UPF3A: variants seen among roughly 807,000 people sequenced by gnomAD.
UPF3A encodes the protein UPF3A regulator of nonsense mediated mRNA decay.
Under a neutral mutation model 53.5 loss-of-function variants are expected in UPF3A, and 42 were observed. That is an observed-to-expected ratio of 0.78 (90% CI 0.61 to 1.01). The LOEUF is 1.01. Among genes scored for constraint, UPF3A ranks in the 50% least tolerant of loss-of-function variants. The probability of loss-of-function intolerance (pLI) is 0.00; values close to 1 mark genes in which losing one functional copy is unlikely to be tolerated. For synonymous variants in UPF3A, 237 were observed against 225.3 expected, an observed-to-expected ratio of 1.05 and a Z score of -0.47; for missense variants, 575 against 598.0, an observed-to-expected ratio of 0.96 and a Z score of 0.40.
rs756224010 is a variant in UPF3A, at chr13:114,282,033, C to T, written c.220C>T (p.Arg74Cys). The change falls in exon 2 of 10, where the codon CGC (arginine) becomes TGC (cysteine). Residue 74 changes from arginine to cysteine, a missense_variant. This residue lies in a region of UPF3A where 252 missense variants were observed against 182.7 expected (regional missense o/e 1.38). Transcript: ENST00000375299. ...GCGCTCCCCGCAGGTGGTCATCCGC[C>T]GCCTGCCTCCGGGCCTCACCAAGGA... is the stretch of plus-strand genomic sequence containing the variant. Reference protein sequence around the residue: ...RTALSKVVIRRLPPGLTKEQL... With the variant: ...RTALSKVVIRCLPPGLTKEQL... The T allele has an allele frequency of 6.4e-7, 1 of 1,559,882 alleles. No homozygotes were observed. Among genetic ancestry groups the T allele is most frequent in the Non-Finnish European group, 8.7e-7 (1 of 1,154,250 alleles).
intron 7 of UPF3A, among the ~76,000 whole-genome samples, chr13:114,292,090 C>CTT (rs745358460): frequency 5.2e-5 from 7 of 133,708 alleles, no homozygotes; most frequent in Middle Eastern, 4.0e-3. Flanking sequence ...TGCTGACGCT[C>CTT]TTTTTTTTTT....
intron 7 of UPF3A, among the ~76,000 whole-genome samples, chr13:114,295,498 C>A (rs1458393144): frequency 6.6e-6 from 1 of 152,134 alleles, no homozygotes. Flanking sequence ...TTTCCCTCCA[C>A]AGGGACTTCC....
intron 9 of UPF3A, 37 bp downstream of exon 9, chr13:114,302,062 T>C (rs753568684): frequency 6.7e-7 from 1 of 1,492,712 alleles, no homozygotes; most frequent in Non-Finnish European, 8.9e-7. Context: ...TGTGTCTGGC[T>C]GTCTTAAGGT....
chr13:114,294,597 G>A (rs1295730092), intron 7 of UPF3A, among the ~76,000 whole-genome samples: 3 of 152,174 alleles, frequency 2.0e-5, no homozygotes, highest in Non-Finnish European at 2.9e-5. Flanking sequence ...AGGCCGAGGC[G>A]GGCGTATCAC....
chr13:114,288,563 A>G (rs1487549464), intron 5 of UPF3A, among the ~76,000 whole-genome samples: 1 of 152,164 alleles, frequency 6.6e-6, no homozygotes, highest in Non-Finnish European at 1.5e-5. Flanking sequence ...GCACTGCAAG[A>G]CATTTAGATT....
At position 114,303,898 on chromosome 13, in the gene UPF3A, A is replaced by G. The variant is rs151025970; in HGVS notation, c.1303-891A>G. On this transcript the variant is annotated intron_variant, in intron 9 of 9. Coordinates refer to ENST00000375299, the MANE Select transcript of UPF3A (RefSeq NM_023011.4). Reference sequence around the variant, plus strand: ...CATTGGTCAGGTTCATACCAAGGAAAAGAAAATTAAGTTAAACCCCCTGGT... The same window carrying G: ...CATTGGTCAGGTTCATACCAAGGAAGAGAAAATTAAGTTAAACCCCCTGGT... Among the ~76,000 whole-genome samples the G allele has an allele frequency of 3.0e-3, 454 of 152,348 alleles. 1 individual carries two copies. Among genetic ancestry groups the G allele is most frequent in the African/African-American group, 0.01 (420 of 41,574 alleles).
chr13:114,304,972 A>G lies in UPF3A; in HGVS notation c.*55A>G, dbSNP rs371345781. On this transcript the variant is annotated 3_prime_UTR_variant, in exon 10 of 10. Coordinates refer to ENST00000375299, the MANE Select transcript of UPF3A (RefSeq NM_023011.4). Reference sequence around the variant, plus strand: ...GAGCAAGGGCATCCCAGAAACGTGTAAATGACCCCGAGTGTGACTGGGAAG... The same window carrying G: ...GAGCAAGGGCATCCCAGAAACGTGTGAATGACCCCGAGTGTGACTGGGAAG... 3 of 1,573,826 alleles carry G rather than the reference A, an allele frequency of 1.9e-6. No individual in the cohort carries two copies. The South Asian group carries it at 3.4e-5, about 18-fold the overall frequency.
At chr13:114,288,198 G>C (rs1234239643) in intron 5 of UPF3A, among the ~76,000 whole-genome samples, 2 of 152,228 alleles carry the variant, frequency 1.3e-5, no homozygotes, top group Non-Finnish European at 2.9e-5. Context: ...GGGCCAAGTG[G>C]TAAGCAGGTT....
chr13:114,281,899 T>TGGAGGGAGGTGAGGGAGG (rs2084055357), intron 1 of UPF3A, 53 bp downstream of exon 1: 1 of 615,758 alleles, frequency 1.6e-6, no homozygotes, highest in East Asian at 3.5e-5. Context: ...CGGCCCTGAG[T>TGGAGGGAGGTGAGGGAGG]GGAGGGAGGG....
chr13:114,281,756 G>A lies in UPF3A; in HGVS notation c.117G>A (p.Gln39=), dbSNP rs1038136575. Residue 39 remains glutamine (Q), a synonymous_variant, in exon 1 of 10, where the codon CAG becomes CAA. Coordinates refer to ENST00000375299, the MANE Select transcript of UPF3A (RefSeq NM_023011.4). ...LEVQFHRDSQ[Q]QEAETPPTSS... ...TGCAGTTCCACCGCGACTCGCAGCA[G>A]CAGGAGGCTGAGACGCCGCCAACTT... is the stretch of plus-strand genomic sequence containing the variant. The A allele has an allele frequency of 1.3e-5, 20 of 1,557,578 alleles. No individual in the cohort carries two copies. Among genetic ancestry groups the A allele is most frequent in the African/African-American group, 5.5e-5 (4 of 73,200 alleles).
rs1594858526 is a variant in UPF3A, at chr13:114,305,167, A to C, written c.*250A>C. 4 of 432,252 alleles carry C rather than the reference A, an allele frequency of 9.3e-6. No homozygotes were observed. The East Asian group carries it at 2.0e-4, about 21-fold the overall frequency. The allele number at this position is 432,252 out of a possible 1,614,324, so 26.8% of individuals were successfully genotyped here. A position where few individuals can be genotyped will look rare whatever the true frequency, so the allele number is the denominator to read the frequency against. ...AGTATTTGTTGTTTAGCCAAAACAGAAAATGATTTCCACTGGACAGTAGAA... is the reference window on the plus strand; with the variant it reads ...AGTATTTGTTGTTTAGCCAAAACAGCAAATGATTTCCACTGGACAGTAGAA... On this transcript the variant is annotated 3_prime_UTR_variant, in exon 10 of 10. Coordinates refer to ENST00000375299, the MANE Select transcript of UPF3A (RefSeq NM_023011.4).
intron 5 of UPF3A, among the ~76,000 whole-genome samples, chr13:114,288,445 G>A (rs955671258): frequency 3.3e-5 from 5 of 152,212 alleles, no homozygotes. Context: ...GTGGAGGAAG[G>A]AAGCGCCAGG....
intron 7 of UPF3A, among the ~76,000 whole-genome samples, chr13:114,296,142 T>TG (rs974155685): frequency 6.6e-6 from 1 of 152,154 alleles, no homozygotes. Flanking sequence ...CCCAGCTCTT[T>TG]GGGGGGCCAA....
intron 5 of UPF3A, chr13:114,286,835 C>T (rs961926289): frequency 1.8e-5 from 10 of 564,396 alleles, no homozygotes; most frequent in East Asian, 3.0e-5. Context: ...ATGGAGAGCA[C>T]GTGATTTTTT....
At chr13:114,293,605 C>T (rs2085529954) in intron 7 of UPF3A, among the ~76,000 whole-genome samples, 1 of 151,926 alleles carries the variant, frequency 6.6e-6, no homozygotes, top group Non-Finnish European at 1.5e-5. Flanking sequence ...AATGTGTTGG[C>T]CAGAATTGGG....
At chr13:114,296,988 C>T (rs2086105627) in intron 7 of UPF3A, among the ~76,000 whole-genome samples, 1 of 152,088 alleles carries the variant, frequency 6.6e-6, no homozygotes, top group South Asian at 2.1e-4. Flanking sequence ...TTTAAGTTCC[C>T]AGATTCCACA....
At chr13:114,299,626 C>T (rs1444335162) in intron 8 of UPF3A, among the ~76,000 whole-genome samples, 2 of 152,178 alleles carry the variant, frequency 1.3e-5, no homozygotes, top group East Asian at 1.9e-4. Flanking sequence ...AGCTCATCTG[C>T]GAAAGGGACA....
rs1566731917 is a variant in UPF3A, at chr13:114,286,398, A to G, written c.518A>G (p.Asp173Gly). The part of the protein sequence containing the change: ...KKDAKTGSIE[D>G]DPEYKKFLET... ...GATGCCAAGACTGGAAGCATCGAAGATGGTGAGCCCTTTCCAAGTGCTACG... is the reference window on the plus strand; with the variant it reads ...GATGCCAAGACTGGAAGCATCGAAGGTGGTGAGCCCTTTCCAAGTGCTACG... The change falls in exon 4 of 10, where the codon GAT (aspartate) becomes GGT (glycine). Residue 173 changes from aspartate to glycine, a missense_variant and splice_region_variant. Coordinates refer to ENST00000375299, the MANE Select transcript of UPF3A (RefSeq NM_023011.4). 2.5e-6 allele frequency: 4 copies of G among 1,614,248 alleles called. No individual in the cohort carries two copies. The highest frequency in any genetic ancestry group is 3.4e-6 in the Non-Finnish European group (4 of 1,180,048).
chr13:114,291,766 A>G lies in UPF3A; in HGVS notation c.820A>G (p.Ile274Val). The change falls in exon 7 of 10, where the codon ATT becomes GTT. Residue 274 changes from isoleucine (I) to valine (V), a missense_variant. By Grantham distance (29) the Ile-to-Val change is conservative. Transcript: ENST00000375299. ...KKKETDKQKKIAEKEVRIKLL... is the reference protein window; with the variant it reads ...KKKETDKQKKVAEKEVRIKLL... ...AAAAGAGACAGATAAACAGAAGAAA[A>G]TTGCAGAGAAAGAAGTAAGGATTAA... is the stretch of plus-strand genomic sequence containing the variant. The G allele has an allele frequency of 6.3e-7, 1 of 1,592,622 alleles. No individual in the cohort carries two copies. The highest frequency in any genetic ancestry group is 8.5e-7 in the Non-Finnish European group (1 of 1,170,878).
Sources: allele counts gnomAD v4.1 joint callset (sites outside exome capture counted in the v4.1 genomes callset), GRCh38; gene constraint gnomAD v4.1.1; regional missense constraint gnomAD v4.1.1; transcripts MANE v1.5; gene names NCBI Gene and HGNC (gene_info 2026-07-23, HGNC 2026-07-21).